Variants in GABBR2 observed in about 807,000 individuals in gnomAD.
GABBR2 encodes gamma-aminobutyric acid type B receptor subunit 2, also known as G-protein coupled receptor 51.
GABBR2 carries 23 observed loss-of-function variants against 105.6 expected under a neutral mutation model. That is an observed-to-expected ratio of 0.22 (90% CI 0.16 to 0.31). The LOEUF (loss-of-function observed/expected upper bound fraction) is 0.31, where lower values mean the gene tolerates loss of function less well. Ranked by LOEUF, GABBR2 falls within the 10% of genes least tolerant of loss-of-function variation. GABBR2 has a pLI of 1.00. For synonymous variants in GABBR2, 478 were observed against 499.7 expected, an observed-to-expected ratio of 0.96 and a Z score of 0.58; for missense variants, 734 against 1,245.5, an observed-to-expected ratio of 0.59 and a Z score of 6.18.
intron 1 of GABBR2, among the ~76,000 whole-genome samples, chr9:98,644,347 G>A (rs1439504270): frequency 2.0e-5 from 3 of 152,212 alleles, no homozygotes; most frequent in Non-Finnish European, 4.4e-5. Context: ...AAGGAGTCAG[G>A]GAACTGAAAC....
intron 1 of GABBR2, among the ~76,000 whole-genome samples, chr9:98,646,273 T>C (rs1007594019): frequency 6.6e-6 from 1 of 152,218 alleles, no homozygotes; most frequent in African/African-American, 2.4e-5. Flanking sequence ...TGGTATGTGT[T>C]AAGCAGAGGG....
At chr9:98,333,751 C>T (rs1267133881) in intron 13 of GABBR2, among the ~76,000 whole-genome samples, 1 of 152,172 alleles carries the variant, frequency 6.6e-6, no homozygotes, top group African/African-American at 2.4e-5. Context: ...CAATTCAGCC[C>T]AGTACACTAA....
intron 7 of GABBR2, among the ~76,000 whole-genome samples, chr9:98,429,188 G>A (rs574652067): frequency 6.0e-5 from 9 of 151,218 alleles, no homozygotes; most frequent in Non-Finnish European, 7.4e-5. Context: ...TGCCCAGGCT[G>A]GAGTGCAGTG....
rs187429379 is a variant in GABBR2, at chr9:98,492,765, T to G, written c.732+3648A>C. ...TTTTCTCATGGTTAGACTGGGGTTA[T>G]GGGATTTGGGGAAGAAGACCACAGA... On this transcript the variant is annotated intron_variant, in intron 4 of 18. Transcript: ENST00000259455. Among the ~76,000 whole-genome samples, 410 of 152,304 alleles carry G rather than the reference T, an allele frequency of 2.7e-3. 5 individuals are homozygous for G. Among genetic ancestry groups the G allele is most frequent in the African/African-American group, 9.5e-3 (396 of 41,572 alleles).
chr9:98,599,331 C>T (rs1436049954), intron 1 of GABBR2, among the ~76,000 whole-genome samples: 6 of 152,194 alleles, frequency 3.9e-5, no homozygotes, highest in Non-Finnish European at 8.8e-5. Context: ...GTTCTGTAGA[C>T]AAGCAGAACA....
At chr9:98,595,896 C>G (rs1020610103) in intron 1 of GABBR2, among the ~76,000 whole-genome samples, 1 of 152,176 alleles carries the variant, frequency 6.6e-6, no homozygotes, top group African/African-American at 2.4e-5. Context: ...TCCCCAGCCA[C>G]AGGTCCCCAA....
intron 1 of GABBR2, among the ~76,000 whole-genome samples, chr9:98,704,421 C>T (rs932440026): frequency 4.6e-5 from 7 of 152,106 alleles, no homozygotes; most frequent in Non-Finnish European, 8.8e-5. Context: ...GATAGTAACA[C>T]ATGAGAAAAC....
At chr9:98,488,258 C>T (rs1442136572) in intron 4 of GABBR2, among the ~76,000 whole-genome samples, 1 of 152,176 alleles carries the variant, frequency 6.6e-6, no homozygotes, top group East Asian at 1.9e-4. Context: ...AATGAAGACA[C>T]TTCCCTCTCT....
chr9:98,636,166 GA>G (rs1829873129), intron 1 of GABBR2, among the ~76,000 whole-genome samples: 1 of 152,010 alleles, frequency 6.6e-6, no homozygotes, highest in East Asian at 1.9e-4. Context: ...AAGTTCATAT[GA>G]AAAAAATGCA....
intron 1 of GABBR2, among the ~76,000 whole-genome samples, chr9:98,603,293 T>G (rs1456365983): frequency 3.3e-5 from 5 of 152,194 alleles, no homozygotes. Context: ...ACAACTAAGA[T>G]CTGGGTGGAC....
chr9:98,544,254 C>A (rs1386496568), intron 2 of GABBR2, among the ~76,000 whole-genome samples: 1 of 152,198 alleles, frequency 6.6e-6, no homozygotes, highest in East Asian at 1.9e-4. Flanking sequence ...TCTTCTGTCA[C>A]CCTAGAACCA....
chr9:98,546,892 C>T lies in GABBR2; in HGVS notation c.460-4849G>A, dbSNP rs1358231960. Among the ~76,000 whole-genome samples, 4 of 119,984 alleles carry T rather than the reference C, an allele frequency of 3.3e-5. 2 individuals carry two copies. The highest frequency in any genetic ancestry group is 7.5e-5 in the Non-Finnish European group (4 of 53,688). 78.7% of individuals were successfully genotyped at this position (119,984 alleles called of 152,430 possible). ...ATTAATCTTGCCTCAGGTCTCAGCC[C>T]GCTGGAGTACTTTTTAATAGGTACC... On this transcript the variant is annotated intron_variant, in intron 2 of 18. Coordinates refer to ENST00000259455, the MANE Select transcript of GABBR2 (RefSeq NM_005458.8).
chr9:98,584,570 A>C (rs1829043752), intron 1 of GABBR2, among the ~76,000 whole-genome samples: 1 of 152,218 alleles, frequency 6.6e-6, no homozygotes. Context: ...CATGAAAATC[A>C]ATTTTCAAAT....
intron 7 of GABBR2, among the ~76,000 whole-genome samples, chr9:98,428,706 C>A (rs1825743328): frequency 6.6e-6 from 1 of 152,150 alleles, no homozygotes; most frequent in Admixed American, 6.5e-5. Context: ...AGTCAGCCAG[C>A]CAATCAAAAC....
At chr9:98,402,406 A>C (rs1832410108) in intron 8 of GABBR2, among the ~76,000 whole-genome samples, 1 of 152,132 alleles carries the variant, frequency 6.6e-6, no homozygotes, top group South Asian at 2.1e-4. Context: ...CCATGGCATC[A>C]GGGAGGAGCA....
rs74416013 is a variant in GABBR2, at chr9:98,402,960, A to G, written c.1297+3121T>C. Among the ~76,000 whole-genome samples the G allele has an allele frequency of 8.9e-4, 135 of 152,204 alleles. No homozygotes were observed. The East Asian group carries it at 0.025, about 29-fold the overall frequency. Reference sequence around the variant, plus strand: ...TGGCTCATTTCAGTCCTAAAATAACACAAGGTCCCTCTATTGGAGCAAGAG... The same window carrying G: ...TGGCTCATTTCAGTCCTAAAATAACGCAAGGTCCCTCTATTGGAGCAAGAG... On this transcript the variant is annotated intron_variant, in intron 8 of 18. Transcript: ENST00000259455.
At chr9:98,501,683 G>A (rs1280103592) in intron 3 of GABBR2, among the ~76,000 whole-genome samples, 2 of 152,308 alleles carry the variant, frequency 1.3e-5, no homozygotes, top group East Asian at 1.9e-4. Flanking sequence ...GGCACGGGCT[G>A]ATGGAGAGTG....
chr9:98,383,626 A>G (rs2131484859), intron 11 of GABBR2, among the ~76,000 whole-genome samples: 1 of 152,300 alleles, frequency 6.6e-6, no homozygotes, highest in Non-Finnish European at 1.5e-5. Context: ...CACACTTCTC[A>G]AGGCACTGCC....
intron 7 of GABBR2, among the ~76,000 whole-genome samples, chr9:98,423,930 A>G (rs1215015766): frequency 6.6e-6 from 1 of 152,062 alleles, no homozygotes; most frequent in East Asian, 1.9e-4. Flanking sequence ...ATGCGGCGTT[A>G]TTTCTGAGGG....
Sources: gnomAD v4.1 joint callset for allele counts (sites outside exome capture counted in the v4.1 genomes callset) on GRCh38, gnomAD v4.1.1 for gene constraint, MANE v1.5 for transcripts, NCBI Gene and HGNC (gene_info 2026-07-23, HGNC 2026-07-21) for gene names.